Variants in DHRS7 observed in about 807,000 individuals in gnomAD.
The protein encoded by DHRS7 is dehydrogenase/reductase SDR family member 7.
In DHRS7, 34 loss-of-function variants were observed where a neutral mutation model predicts 38.9. The observed-to-expected ratio is 0.87, with a 90% CI of 0.66 to 1.16. DHRS7 has a LOEUF of 1.16. Ranked by LOEUF, DHRS7 falls within the 50% of genes most tolerant of loss-of-function variation. The probability of loss-of-function intolerance (pLI) is 0.00; values close to 1 mark genes in which losing one functional copy is unlikely to be tolerated. For missense variants in DHRS7, 421 were observed against 407.0 expected (o/e 1.03, Z -0.30); for synonymous variants, 158 against 153.1 (o/e 1.03, Z -0.24).
upstream of DHRS7, chr14:60,165,491 C>T (rs1397551279): frequency 1.5e-6 from 2 of 1,327,416 alleles, no homozygotes. This position sits in a 1 kb window ranked among gnomAD's most constrained non-coding sequence, Gnocchi z 4.6. Context: ...ACTCGCGGCC[C>T]CACTCGCGGT....
chr14:60,166,163 G>C (rs930851401), upstream of DHRS7: 9 of 917,146 alleles, frequency 9.8e-6, no homozygotes, highest in Non-Finnish European at 1.3e-6. Context: ...CGTTTGAAAT[G>C]ACCTTCAAAA....
chr14:60,152,863 C>A, intron 4 of DHRS7, 76 bp downstream of exon 4: 1 of 1,539,056 alleles, frequency 6.5e-7, no homozygotes, highest in South Asian at 1.2e-5. Flanking sequence ...TTCCAAGGAC[C>A]TCACACAGTG....
rs1566538023 is a variant in DHRS7, at chr14:60,165,345, C to G, written c.-36G>C. 1 of 1,550,626 alleles carries G rather than the reference C, an allele frequency of 6.4e-7. No individual in the cohort carries two copies. The highest frequency in any genetic ancestry group is 1.9e-5 in the Admixed American group (1 of 52,622). On this transcript the variant is annotated 5_prime_UTR_variant, in exon 1 of 7. Transcript: ENST00000557185. The surrounding 1 kb of genome is among the most constrained non-coding windows in gnomAD (Gnocchi z 4.6). ...CACGCCCAGCTCGGGGGGAAGAAGA[C>G]GGCCCGCACCAGAGTCGCGTCGCTG...
At chr14:60,168,970 A>G, upstream of DHRS7, 1 of 483,948 alleles carries the variant, frequency 2.1e-6, no homozygotes, top group Non-Finnish European at 3.6e-6. Context: ...GACAGATGAT[A>G]TGTTAACATA....
At chr14:60,163,906 C>T (rs997344409) in intron 1 of DHRS7, among the ~76,000 whole-genome samples, 3 of 152,188 alleles carry the variant, frequency 2.0e-5, no homozygotes, top group Admixed American at 1.3e-4. Context: ...CATATTCCCC[C>T]GCTGAGGTGG....
Position 60,146,402 on chromosome 14 carries a change from A to G in DHRS7, c.973-1389T>C, listed in dbSNP as rs1019120168. The G allele has an allele frequency of 6.6e-6, 1 of 152,174 alleles. No homozygotes were observed. Among genetic ancestry groups the G allele is most frequent in the South Asian group, 2.1e-4 (1 of 4,830 alleles). The allele number at this position is 152,174 out of a possible 1,614,324, so 9.4% of individuals were successfully genotyped here. A position where few individuals can be genotyped will look rare whatever the true frequency, so the allele number is the denominator to read the frequency against. On this transcript the variant is annotated intron_variant, in intron 6 of 6. Coordinates refer to ENST00000557185, the MANE Select transcript of DHRS7 (RefSeq NM_016029.4). This position sits in a 1 kb window ranked among gnomAD's most constrained non-coding sequence, Gnocchi z 4.9. ...CCCCTTTGAAAAAAAAATCACTTCT[A>G]TAATATATTCTTTCTCTGCCCTATT...
chr14:60,155,892 T>C, intron 2 of DHRS7, 108 bp downstream of exon 2: 2 of 1,173,480 alleles, frequency 1.7e-6, no homozygotes, highest in Admixed American at 3.1e-5. Flanking sequence ...ATGTAGAACA[T>C]TTGGAGCCGG....
At chr14:60,155,531 T>A (rs777355941) in intron 2 of DHRS7, among the ~76,000 whole-genome samples, 1 of 152,214 alleles carries the variant, frequency 6.6e-6, no homozygotes, top group East Asian at 1.9e-4. Flanking sequence ...TATGAAAGTA[T>A]TACCTCAAGT....
rs193089965 is a variant in DHRS7 at position 60,152,860 on chromosome 14, G to A, written c.633+79C>T. ...TCCCCACATCACTTCCAGTTCCAAG[G>A]ACCTCACACAGTGATGGCCATATCC... On this transcript the variant is annotated intron_variant, in intron 4 of 6. Transcript: ENST00000557185. 557 of 1,516,110 alleles carry A rather than the reference G, an allele frequency of 3.7e-4. 2 individuals are homozygous for A. In the Admixed American group the frequency reaches 9.6e-3, roughly 26 times the overall value. The allele number at this position is 1,516,110 out of a possible 1,614,324, so 93.9% of individuals were successfully genotyped here. A position where few individuals can be genotyped will look rare whatever the true frequency, so the allele number is the denominator to read the frequency against.
chr14:60,150,516 T>TC (rs1269009044), intron 4 of DHRS7, among the ~76,000 whole-genome samples: 10 of 152,074 alleles, frequency 6.6e-5, no homozygotes, highest in Non-Finnish European at 1.5e-4. Context: ...CCTTCCTGTG[T>TC]CCAAGTGTTC....
chr14:60,155,246 C>T (rs1896633596), intron 2 of DHRS7, among the ~76,000 whole-genome samples: 2 of 152,026 alleles, frequency 1.3e-5, no homozygotes, highest in African/African-American at 2.4e-5. Flanking sequence ...GTCAGGAGGT[C>T]GAGACCAGCA....
upstream of DHRS7, chr14:60,165,511 G>T (rs1896855777): frequency 1.6e-5 from 21 of 1,293,028 alleles, no homozygotes; most frequent in South Asian, 3.8e-4. The surrounding 1 kb of genome is among the most constrained non-coding windows in gnomAD (Gnocchi z 4.6). Context: ...TCCTTGGGCG[G>T]CCCGCGCCCT....
rs1466984804 is a variant in DHRS7, at chr14:60,150,167, T to C, written c.654A>G (p.Arg218=). The C allele has an allele frequency of 1.3e-6, 2 of 1,509,372 alleles. No homozygotes were observed. The highest frequency in any genetic ancestry group is 4.8e-5 in the East Asian group (2 of 41,400). 93.5% of individuals were successfully genotyped at this position (1,509,372 alleles called of 1,614,324 possible). A position where few individuals can be genotyped will look rare whatever the true frequency, so the allele number is the denominator to read the frequency against. ...HALRGFFNGL[R]TELATYPGII... The stretch of plus-strand genomic sequence containing the variant: ...TACCTGGGTATGTGGCAAGTTCTGT[T>C]CGAAGGCCATTAAAAAAACCCTAAC... The change falls in exon 5 of 7, where the codon CGA becomes CGG. Residue 218 remains arginine, a synonymous_variant. Transcript: ENST00000557185.
At chr14:60,163,657 T>C (rs1187829368) in intron 1 of DHRS7, among the ~76,000 whole-genome samples, 4 of 152,246 alleles carry the variant, frequency 2.6e-5, no homozygotes, top group Non-Finnish European at 5.9e-5. Context: ...TTTTAACTTT[T>C]CCTTAATATG....
At chr14:60,149,220 T>C (rs747096761) in intron 6 of DHRS7, 133 bp downstream of exon 6, 11 of 791,428 alleles carry the variant, frequency 1.4e-5, no homozygotes, top group African/African-American at 8.6e-5. Context: ...TGATCTGCCT[T>C]GGCCTCCCAA....
In DHRS7 at chr14:60,145,256, G is replaced by T. The variant is rs1477884413; in HGVS notation, c.973-243C>A. Reference sequence around the variant, plus strand: ...TTTAGAGGAGGTATAAATAGCATTGGACTGCAATGCTAAATTCTCTATAAT... The same window carrying T: ...TTTAGAGGAGGTATAAATAGCATTGTACTGCAATGCTAAATTCTCTATAAT... On this transcript the variant is annotated intron_variant, in intron 6 of 6. Coordinates refer to ENST00000557185, the MANE Select transcript of DHRS7 (RefSeq NM_016029.4). This position sits in a 1 kb window ranked among gnomAD's most constrained non-coding sequence, Gnocchi z 4.0. 3.0e-6 allele frequency: 1 copy of T among 332,644 alleles called. No homozygotes were observed. The highest frequency in any genetic ancestry group is 5.3e-6 in the Non-Finnish European group (1 of 186,922). The allele number at this position is 332,644 out of a possible 1,614,324, so 20.6% of individuals were successfully genotyped here. A position where few individuals can be genotyped will look rare whatever the true frequency, so the allele number is the denominator to read the frequency against.
At chr14:60,163,122 A>G (rs941560618) in intron 1 of DHRS7, among the ~76,000 whole-genome samples, 4 of 151,908 alleles carry the variant, frequency 2.6e-5, no homozygotes, top group African/African-American at 9.7e-5. Context: ...GTGAGCCAAG[A>G]TCATACCACT....
At chr14:60,158,598 TCCTC>T (rs1896704401) in intron 1 of DHRS7, among the ~76,000 whole-genome samples, 4 of 152,192 alleles carry the variant, frequency 2.6e-5, no homozygotes. Flanking sequence ...TCTGGCCTCT[TCCTC>T]CCACCCTGAA....
chr14:60,155,976 C>G, intron 2 of DHRS7, 24 bp downstream of exon 2: 1 of 1,495,394 alleles, frequency 6.7e-7, no homozygotes, highest in Non-Finnish European at 8.9e-7. Context: ...TAGGAAGCAC[C>G]GCTGCTATTT....
Sources: gnomAD v4.1 joint callset for allele counts (sites outside exome capture counted in the v4.1 genomes callset) on GRCh38, gnomAD v4.1.1 for gene constraint, Gnocchi (gnomAD v3.1) non-coding constraint, MANE v1.5 for transcripts, NCBI Gene and HGNC (gene_info 2026-07-23, HGNC 2026-07-21) for gene names.